The following KCNIP4 variants were observed in gnomAD, a reference collection of about 807,000 sequenced individuals.
The protein encoded by KCNIP4 is Kv channel-interacting protein 4.
Under a neutral mutation model 34.0 loss-of-function variants are expected in KCNIP4, and 12 were observed. The ratio of observed to expected loss-of-function variants is 0.35; its 90% CI spans 0.23 to 0.57. The LOEUF (loss-of-function observed/expected upper bound fraction) is 0.57. Ranked by LOEUF, KCNIP4 falls within the 20% of genes least tolerant of loss-of-function variation. The probability of loss-of-function intolerance (pLI) is 0.83; values close to 1 mark genes in which losing one functional copy is unlikely to be tolerated. For missense variants in KCNIP4, 238 were observed against 311.7 expected, an observed-to-expected ratio of 0.76 and a Z score of 1.78; for synonymous variants, 124 against 102.2, an observed-to-expected ratio of 1.21 and a Z score of -1.29.
intron 1 of KCNIP4, among the ~76,000 whole-genome samples, chr4:21,550,962 A>G (rs1738535893): frequency 6.6e-6 from 1 of 152,056 alleles, no homozygotes; most frequent in African/African-American, 2.4e-5. Context: ...TTAGAGGGTC[A>G]CTTACGGTCA....
At chr4:21,215,015 A>G (rs1295619729) in intron 1 of KCNIP4, among the ~76,000 whole-genome samples, 1 of 152,232 alleles carries the variant, frequency 6.6e-6, no homozygotes, top group Non-Finnish European at 1.5e-5. Context: ...AGTGTTCACT[A>G]GTAGCCCTTA....
intron 1 of KCNIP4, among the ~76,000 whole-genome samples, chr4:21,578,058 G>A (rs1421838685): frequency 2.0e-5 from 3 of 151,496 alleles, no homozygotes; most frequent in African/African-American, 4.9e-5. Context: ...AGTTCAGGCC[G>A]GGCGCGGTGG....
chr4:20,891,599 G>A (rs1024138244), intron 1 of KCNIP4, among the ~76,000 whole-genome samples: 20 of 152,134 alleles, frequency 1.3e-4, no homozygotes, highest in Middle Eastern at 3.4e-3. Flanking sequence ...GTGAGACTCC[G>A]TCTCAAAAAA....
At chr4:21,812,587 T>C (rs1382352851) in intron 1 of KCNIP4, among the ~76,000 whole-genome samples, 1 of 152,216 alleles carries the variant, frequency 6.6e-6, no homozygotes, top group Non-Finnish European at 1.5e-5. Context: ...TGTACATGCA[T>C]GAAGCTGTAG....
chr4:21,922,114 T>G (rs1728971194), intron 1 of KCNIP4, among the ~76,000 whole-genome samples: 1 of 152,202 alleles, frequency 6.6e-6, no homozygotes, highest in Admixed American at 6.5e-5. Context: ...CAGTGTCTTC[T>G]CTCGGGAAAA....
chr4:21,825,462 T>C (rs956028889), intron 1 of KCNIP4, among the ~76,000 whole-genome samples: 1 of 152,150 alleles, frequency 6.6e-6, no homozygotes, highest in Non-Finnish European at 1.5e-5. Flanking sequence ...GAAATTTCCA[T>C]CATAATGCTT....
intron 1 of KCNIP4, among the ~76,000 whole-genome samples, chr4:21,178,139 C>T (rs767265021): frequency 1.1e-4 from 17 of 152,218 alleles, no homozygotes; most frequent in Non-Finnish European, 2.1e-4. Flanking sequence ...CATTACAACA[C>T]AGTTTAATTA....
intron 1 of KCNIP4, among the ~76,000 whole-genome samples, chr4:21,232,403 A>T (rs1438936615): frequency 6.6e-6 from 1 of 152,216 alleles, no homozygotes; most frequent in East Asian, 1.9e-4. Context: ...ACAGATAAAA[A>T]GAAGGAATTC....
intron 1 of KCNIP4, among the ~76,000 whole-genome samples, chr4:21,112,642 T>C (rs1749319138): frequency 6.6e-6 from 1 of 152,226 alleles, no homozygotes; most frequent in Non-Finnish European, 1.5e-5. Context: ...GTCACTTATA[T>C]TTGAATCAGG....
chr4:21,120,572 C>T (rs1039147263), intron 1 of KCNIP4, among the ~76,000 whole-genome samples: 1 of 152,226 alleles, frequency 6.6e-6, no homozygotes, highest in African/African-American at 2.4e-5. Flanking sequence ...AAATGCACAT[C>T]TTACGTGGTG....
At chr4:21,627,549 C>T (rs1039551) in intron 1 of KCNIP4, among the ~76,000 whole-genome samples, 81,716 of 151,976 alleles carry the variant, frequency 0.54, 22,517 homozygotes, top group African/African-American at 0.66. Flanking sequence ...TTATTTTTAA[C>T]TTTTGAAATT....
At chr4:21,585,232 T>C (rs1741521346) in intron 1 of KCNIP4, among the ~76,000 whole-genome samples, 1 of 152,044 alleles carries the variant, frequency 6.6e-6, no homozygotes, top group African/African-American at 2.4e-5. Context: ...TGCATGAGGA[T>C]ACTGACATTC....
At chr4:21,910,062 G>A (rs533921408) in intron 1 of KCNIP4, among the ~76,000 whole-genome samples, 2 of 152,084 alleles carry the variant, frequency 1.3e-5, no homozygotes, top group African/African-American at 4.8e-5. Flanking sequence ...CGAAGATGAT[G>A]CTACCCTGAA....
chr4:21,857,058 G>T (rs907463844), intron 1 of KCNIP4, among the ~76,000 whole-genome samples: 2 of 152,214 alleles, frequency 1.3e-5, no homozygotes, highest in Non-Finnish European at 2.9e-5. Flanking sequence ...GAAAGACACA[G>T]GTGCCTGGTG....
chr4:20,907,322 T>C (rs1465978111), intron 1 of KCNIP4, among the ~76,000 whole-genome samples: 3 of 152,198 alleles, frequency 2.0e-5, no homozygotes, highest in African/African-American at 7.2e-5. Flanking sequence ...GTAAGAGTTT[T>C]GTCTAGAAAT....
At chr4:21,286,715 A>C (rs1367565742) in intron 1 of KCNIP4, among the ~76,000 whole-genome samples, 1 of 152,200 alleles carries the variant, frequency 6.6e-6, no homozygotes, top group Non-Finnish European at 1.5e-5. Flanking sequence ...CAAGTTTTTC[A>C]GGATAAAATA....
intron 3 of KCNIP4, among the ~76,000 whole-genome samples, chr4:20,803,727 G>GAGAGAGAGGAAGGA: frequency 1.1e-5 from 1 of 91,490 alleles, no homozygotes; most frequent in African/African-American, 3.9e-5. Flanking sequence ...GAGAGAGAGA[G>GAGAGAGAGGAAGGA]AGGAAGGAAG....
intron 1 of KCNIP4, among the ~76,000 whole-genome samples, chr4:21,295,421 CT>C (rs1763780017): frequency 6.6e-6 from 1 of 152,086 alleles, no homozygotes; most frequent in Non-Finnish European, 1.5e-5. Flanking sequence ...CCTTCAATGG[CT>C]TTCCAGTAAC....
intron 1 of KCNIP4, among the ~76,000 whole-genome samples, chr4:21,516,842 C>T (rs950550426): frequency 2.2e-4 from 33 of 152,108 alleles, no homozygotes; most frequent in African/African-American, 6.5e-4. Context: ...TTTAGGAACA[C>T]GAAATTCTAT....
Sources: allele counts gnomAD v4.1 joint callset (sites outside exome capture counted in the v4.1 genomes callset), GRCh38; gene constraint gnomAD v4.1.1; transcripts MANE v1.5; gene names NCBI Gene and HGNC (gene_info 2026-07-23, HGNC 2026-07-21).